DNAJC10: variants seen among roughly 807,000 people sequenced by gnomAD.
DNAJC10 encodes the protein endoplasmic reticulum disulfide reductase DNAJC10.
DNAJC10 carries 101 observed loss-of-function variants against 115.0 expected under a neutral mutation model. The ratio of observed to expected loss-of-function variants is 0.88; its 90% CI spans 0.75 to 1.04. The LOEUF (loss-of-function observed/expected upper bound fraction) is 1.04, where lower values mean the gene tolerates loss of function less well. Among genes scored for constraint, DNAJC10 ranks in the 50% least tolerant of loss-of-function variants. DNAJC10 has a pLI of 0.00. For synonymous variants in DNAJC10, 307 were observed against 301.5 expected (o/e 1.02, Z -0.19); for missense variants, 981 against 928.8 (o/e 1.06, Z -0.73).
At chr2:182,769,028 A>C (rs1460159391) in intron 22 of DNAJC10, among the ~76,000 whole-genome samples, 1 of 151,996 alleles carries the variant, frequency 6.6e-6, no homozygotes, top group Non-Finnish European at 1.5e-5. Flanking sequence ...CACTGTGTCC[A>C]AGTGATCTCA....
intron 5 of DNAJC10, among the ~76,000 whole-genome samples, chr2:182,727,056 GT>G (rs11376651): frequency 0.011 from 1,560 of 146,786 alleles, 13 homozygotes; most frequent in Middle Eastern, 0.036. Context: ...TGTTTTGTTT[GT>G]TTTTTTTTTT....
At chr2:182,719,773 G>T (rs1693098435) in intron 3 of DNAJC10, among the ~76,000 whole-genome samples, 1 of 147,014 alleles carries the variant, frequency 6.8e-6, no homozygotes. Context: ...CTTTTGAAGA[G>T]TCAATTATTT....
intron 22 of DNAJC10, among the ~76,000 whole-genome samples, chr2:182,767,536 G>A (rs1053009604): frequency 2.0e-5 from 3 of 152,070 alleles, no homozygotes; most frequent in African/African-American, 7.2e-5. Context: ...GGGATTCCTC[G>A]AAAATTGATG....
intron 17 of DNAJC10, among the ~76,000 whole-genome samples, chr2:182,755,366 C>T (rs1218517243): frequency 1.3e-5 from 2 of 150,888 alleles, no homozygotes; most frequent in African/African-American, 4.9e-5. Context: ...TGAACATATG[C>T]AATGTATTTT....
In DNAJC10 at chr2:182,790,907, G is replaced by C. The variant is rs1400258152; in HGVS notation, c.*13775G>C. The stretch of plus-strand genomic sequence containing the variant: ...TGACTTATTTTCTGACTTTTCCTTT[G>C]CTTTATTCTCTTATTTCTTCCAAGT... On this transcript the variant is annotated 3_prime_UTR_variant, in exon 24 of 24. Transcript: ENST00000264065. 1 of 151,280 alleles carries C rather than the reference G, an allele frequency of 6.6e-6. No individual in the cohort carries two copies. Among genetic ancestry groups the C allele is most frequent in the East Asian group, 1.9e-4 (1 of 5,154 alleles). 9.4% of individuals were successfully genotyped at this position (151,280 alleles called of 1,614,324 possible). A position where few individuals can be genotyped will look rare whatever the true frequency, so the allele number is the denominator to read the frequency against.
Position 182,740,290 on chromosome 2 carries a change from T to A in DNAJC10, c.988-9T>A. 1 of 1,398,512 alleles carries A rather than the reference T, an allele frequency of 7.2e-7. No individual in the cohort carries two copies. The highest frequency in any genetic ancestry group is 1.5e-5 in the South Asian group (1 of 66,928). The allele number at this position is 1,398,512 out of a possible 1,614,324, so 86.6% of individuals were successfully genotyped here. A position where few individuals can be genotyped will look rare whatever the true frequency, so the allele number is the denominator to read the frequency against. ...TCAAAAAGATTACAATGTGATTTTC[T>A]TTTTCTAGTTTCTCAACTCATTGGA... On this transcript the variant is annotated splice_polypyrimidine_tract_variant and intron_variant, in intron 11 of 23. Transcript: ENST00000264065.
intron 22 of DNAJC10, among the ~76,000 whole-genome samples, chr2:182,764,336 C>G (rs932562356): frequency 1.3e-5 from 2 of 152,114 alleles, no homozygotes; most frequent in Non-Finnish European, 2.9e-5. Flanking sequence ...TGAATAGATT[C>G]TGTCAGAGAA....
chr2:182,785,021 T>C lies in DNAJC10; in HGVS notation c.*7889T>C, dbSNP rs963391152. ...AATATCCTGAATTATCAGTCAGTTATGTTTGACTATGAGAAATTGCAGAAA... is the reference window on the plus strand; with the variant it reads ...AATATCCTGAATTATCAGTCAGTTACGTTTGACTATGAGAAATTGCAGAAA... On this transcript the variant is annotated 3_prime_UTR_variant, in exon 24 of 24. Coordinates refer to ENST00000264065, the MANE Select transcript of DNAJC10 (RefSeq NM_018981.4). The C allele has an allele frequency of 1.3e-5, 2 of 152,240 alleles. No individual in the cohort carries two copies. The highest frequency in any genetic ancestry group is 4.8e-5 in the African/African-American group (2 of 41,476). 9.4% of individuals were successfully genotyped at this position (152,240 alleles called of 1,614,324 possible).
intron 22 of DNAJC10, among the ~76,000 whole-genome samples, chr2:182,766,585 A>G (rs1694418988): frequency 6.6e-6 from 1 of 152,144 alleles, no homozygotes; most frequent in South Asian, 2.1e-4. Flanking sequence ...CTGGGGCAGG[A>G]GAGTTGCTAA....
chr2:182,757,482 A>G (rs1434294180), intron 18 of DNAJC10, among the ~76,000 whole-genome samples: 3 of 152,210 alleles, frequency 2.0e-5, no homozygotes, highest in Admixed American at 1.3e-4. Context: ...TTAATCTGCA[A>G]TAATTTTAGT....
At chr2:182,729,808 A>G in intron 7 of DNAJC10, 40 bp from the exon 8 acceptor site, 1 of 1,372,426 alleles carries the variant, frequency 7.3e-7, no homozygotes, top group Non-Finnish European at 1.0e-6. Flanking sequence ...TTTTAAAAAG[A>G]AAAAGTAAAA....
At chr2:182,747,585 C>T (rs1466633979) in intron 14 of DNAJC10, among the ~76,000 whole-genome samples, 1 of 151,940 alleles carries the variant, frequency 6.6e-6, no homozygotes, top group Non-Finnish European at 1.5e-5. Flanking sequence ...ATTTTGTATC[C>T]TGAGACTTTG....
At position 182,789,405 on chromosome 2, in the gene DNAJC10, G is replaced by T. The variant is rs1379931964; in HGVS notation, c.*12273G>T. The T allele has an allele frequency of 6.6e-6, 1 of 152,462 alleles. No homozygotes were observed. The highest frequency in any genetic ancestry group is 1.5e-5 in the Non-Finnish European group (1 of 68,278). 9.4% of individuals were successfully genotyped at this position (152,462 alleles called of 1,614,324 possible). A position where few individuals can be genotyped will look rare whatever the true frequency, so the allele number is the denominator to read the frequency against. On this transcript the variant is annotated 3_prime_UTR_variant, in exon 24 of 24. Transcript: ENST00000264065. The stretch of plus-strand genomic sequence containing the variant: ...CTGGCTAATTTTTGTATGTTTAACG[G>T]AGACAAGGTTTTAGTGTGTTGGCCA...
intron 22 of DNAJC10, among the ~76,000 whole-genome samples, chr2:182,765,874 T>C (rs545988679): frequency 6.6e-6 from 1 of 152,288 alleles, no homozygotes; most frequent in African/African-American, 2.4e-5. Flanking sequence ...TATTATCAGG[T>C]TTTATAGTTT....
rs1469820871 is a variant in DNAJC10, at chr2:182,779,757, T to TCTGA, written c.*2627_*2630dup. On this transcript the variant is annotated 3_prime_UTR_variant, in exon 24 of 24. Transcript: ENST00000264065. ...AATTTTCTTTAAATTTGCTCTGTTT[T>TCTGA]CTGACAGTGCTCAAAGTGGGAATTT... 2 of 152,196 alleles carry TCTGA rather than the reference T, an allele frequency of 1.3e-5. No homozygotes were observed. Among genetic ancestry groups the TCTGA allele is most frequent in the African/African-American group, 4.8e-5 (2 of 41,446 alleles). The allele number at this position is 152,196 out of a possible 1,614,324, so 9.4% of individuals were successfully genotyped here.
Position 182,792,658 on chromosome 2 carries a change from A to C in DNAJC10, c.*15526A>C, listed in dbSNP as rs183678012. 1 of 152,298 alleles carries C rather than the reference A, an allele frequency of 6.6e-6. No homozygotes were observed. Among genetic ancestry groups the C allele is most frequent in the Admixed American group, 6.5e-5 (1 of 15,300 alleles). 9.4% of individuals were successfully genotyped at this position (152,298 alleles called of 1,614,324 possible). Reference sequence around the variant, plus strand: ...CCTCAAACCAGTTTATCTGCAAGAGAAGTGTGTGAAGTTAGACTCAATTCT... The same window carrying C: ...CCTCAAACCAGTTTATCTGCAAGAGCAGTGTGTGAAGTTAGACTCAATTCT... On this transcript the variant is annotated 3_prime_UTR_variant, in exon 24 of 24. Transcript: ENST00000264065.
At chr2:182,754,719 C>T (rs1384956009) in intron 16 of DNAJC10, 8 of 1,109,150 alleles carry the variant, frequency 7.2e-6, no homozygotes, top group Non-Finnish European at 8.8e-6. Flanking sequence ...AAAAAGGGAC[C>T]ATTCGTATAA....
At position 182,736,435 on chromosome 2, in the gene DNAJC10, C is replaced by T. The variant is rs1693586995; in HGVS notation, c.987+49C>T. 4 of 1,314,924 alleles carry T rather than the reference C, an allele frequency of 3.0e-6. 1 individual carries two copies. The African/African-American group carries it at 6.1e-5, about 20-fold the overall frequency. 81.5% of individuals were successfully genotyped at this position (1,314,924 alleles called of 1,614,324 possible). On this transcript the variant is annotated intron_variant, in intron 11 of 23. Transcript: ENST00000264065. ...TATTTACATATAATGTGCAAACACC[C>T]TCAAAAATAATACATTATTTTTGTA...
rs181405838 is a variant in DNAJC10, at chr2:182,760,013, A to G, written c.2145+706A>G. ...AGTGCTGCCCTGGTGATCTTCTAAAATATTTCCCTCTCTGACTTACTAAGT... is the reference window on the plus strand; with the variant it reads ...AGTGCTGCCCTGGTGATCTTCTAAAGTATTTCCCTCTCTGACTTACTAAGT... On this transcript the variant is annotated intron_variant, in intron 21 of 23. Coordinates refer to ENST00000264065, the MANE Select transcript of DNAJC10 (RefSeq NM_018981.4). Among the ~76,000 whole-genome samples, 265 of 152,266 alleles carry G rather than the reference A, an allele frequency of 1.7e-3. 4 individuals are homozygous for G. Among genetic ancestry groups the G allele is most frequent in the Admixed American group, 0.015 (231 of 15,288 alleles).
Sources: gnomAD v4.1 joint callset for allele counts (sites outside exome capture counted in the v4.1 genomes callset) on GRCh38, gnomAD v4.1.1 for gene constraint, MANE v1.5 for transcripts, NCBI Gene and HGNC (gene_info 2026-07-23, HGNC 2026-07-21) for gene names.